Variants in KIAA1958 observed in about 807,000 individuals in gnomAD.
KIAA1958 encodes KIAA1958, also known as uncharacterized protein KIAA1958.
Under a neutral mutation model 47.2 loss-of-function variants are expected in KIAA1958, and 14 were observed. That is an observed-to-expected ratio of 0.30 (90% confidence interval 0.20 to 0.46). KIAA1958 has a LOEUF of 0.46. KIAA1958 is among the 20% of genes least tolerant of loss of function. The probability of loss-of-function intolerance (pLI) is 1.00; values close to 1 mark genes in which losing one functional copy is unlikely to be tolerated. For missense variants in KIAA1958, 803 were observed against 909.2 expected (o/e 0.88, Z 1.50); for synonymous variants, 354 against 353.3 (o/e 1.00, Z -0.02).
At chr9:112,573,386 C>G (rs531073548) in intron 1 of KIAA1958, among the ~76,000 whole-genome samples, 1 of 152,290 alleles carries the variant, frequency 6.6e-6, no homozygotes, top group East Asian at 1.9e-4. Context: ...CTTCCCCATC[C>G]TTGCTTCTTT....
intron 1 of KIAA1958, among the ~76,000 whole-genome samples, chr9:112,559,826 A>G (rs1412506474): frequency 1.3e-5 from 2 of 152,170 alleles, no homozygotes; most frequent in South Asian, 2.1e-4. Flanking sequence ...TAAAGTATGA[A>G]TCATGTCAAA....
chr9:112,648,057 G>T (rs950401798), intron 3 of KIAA1958, among the ~76,000 whole-genome samples: 3 of 152,218 alleles, frequency 2.0e-5, no homozygotes, highest in Non-Finnish European at 4.4e-5. Context: ...AGAAAAATCA[G>T]TTAAGTCTTT....
At chr9:112,546,579 C>T (rs1835036470) in intron 1 of KIAA1958, among the ~76,000 whole-genome samples, 1 of 151,944 alleles carries the variant, frequency 6.6e-6, no homozygotes, top group Admixed American at 6.5e-5. Flanking sequence ...TCTGCTGGCT[C>T]TTGAATTCCT....
chr9:112,564,203 AT>A (rs1656610125), intron 1 of KIAA1958, among the ~76,000 whole-genome samples: 1 of 152,252 alleles, frequency 6.6e-6, no homozygotes, highest in East Asian at 1.9e-4. Context: ...TATTTGCATA[AT>A]TTTTGTGTTA....
At chr9:112,498,707 T>C (rs1040291004) in intron 1 of KIAA1958, among the ~76,000 whole-genome samples, 2 of 152,204 alleles carry the variant, frequency 1.3e-5, no homozygotes, top group Non-Finnish European at 2.9e-5. Flanking sequence ...CAACGTATAA[T>C]GATCAAATCA....
intron 2 of KIAA1958, among the ~76,000 whole-genome samples, chr9:112,620,651 GAAGA>G (rs1836488854): frequency 6.6e-6 from 1 of 152,120 alleles, no homozygotes; most frequent in Non-Finnish European, 1.5e-5. Context: ...CCAGAAACAA[GAAGA>G]AAGGGCAGAG....
At chr9:112,658,730 T>C (rs369504657) in intron 3 of KIAA1958, among the ~76,000 whole-genome samples, 3 of 150,628 alleles carry the variant, frequency 2.0e-5, no homozygotes, top group South Asian at 2.1e-4. Context: ...GAGGCCAAGG[T>C]GGGCAGATCA....
chr9:112,597,697 T>C (rs1256022110), intron 2 of KIAA1958, among the ~76,000 whole-genome samples: 1 of 152,232 alleles, frequency 6.6e-6, no homozygotes, highest in Non-Finnish European at 1.5e-5. Context: ...ACAGACATGC[T>C]TAAAACAATG....
intron 1 of KIAA1958, among the ~76,000 whole-genome samples, chr9:112,541,925 T>C (rs1307130920): frequency 2.6e-5 from 4 of 152,196 alleles, no homozygotes; most frequent in African/African-American, 9.6e-5. Flanking sequence ...GGGGCCGATG[T>C]GTGTTGGAGA....
chr9:112,506,411 A>G (rs1395541336), intron 1 of KIAA1958, among the ~76,000 whole-genome samples: 3 of 152,192 alleles, frequency 2.0e-5, no homozygotes, highest in Admixed American at 1.3e-4. Context: ...AGCCGAGATC[A>G]CGCCACTACA....
chr9:112,555,670 G>A (rs369208858), intron 1 of KIAA1958, among the ~76,000 whole-genome samples: 4 of 152,206 alleles, frequency 2.6e-5, no homozygotes, highest in Non-Finnish European at 5.9e-5. Flanking sequence ...AGGGACAGAC[G>A]CTGTGCGCTC....
chr9:112,520,188 GAT>G (rs1460449101), intron 1 of KIAA1958, among the ~76,000 whole-genome samples: 2 of 152,236 alleles, frequency 1.3e-5, no homozygotes, highest in Non-Finnish European at 2.9e-5. Context: ...AAATAGAAAA[GAT>G]AGAGGTAGAT....
chr9:112,536,525 A>G (rs534536252), intron 1 of KIAA1958, among the ~76,000 whole-genome samples: 6 of 152,316 alleles, frequency 3.9e-5, no homozygotes, highest in South Asian at 2.1e-4. Context: ...AAGGATGGGT[A>G]AATAGACCAA....
intron 1 of KIAA1958, 52 bp from the exon 2 acceptor site, chr9:112,574,005 A>G (rs770715549): frequency 5.3e-6 from 5 of 944,560 alleles, no homozygotes; most frequent in Non-Finnish European, 8.1e-6. Flanking sequence ...TAATTGAGCT[A>G]TAGGATTATC....
intron 2 of KIAA1958, among the ~76,000 whole-genome samples, chr9:112,613,828 T>A (rs1295874958): frequency 6.6e-6 from 1 of 152,164 alleles, no homozygotes; most frequent in Non-Finnish European, 1.5e-5. Flanking sequence ...GAAAGTAAAT[T>A]GATATGACCA....
At chr9:112,538,070 C>A (rs533806277) in intron 1 of KIAA1958, among the ~76,000 whole-genome samples, 1 of 152,198 alleles carries the variant, frequency 6.6e-6, no homozygotes, top group Non-Finnish European at 1.5e-5. Context: ...GTGGCTCACA[C>A]CCGTAATCCC....
chr9:112,642,056 A>G (rs553385701), intron 2 of KIAA1958, among the ~76,000 whole-genome samples: 3 of 152,264 alleles, frequency 2.0e-5, no homozygotes, highest in Non-Finnish European at 4.4e-5. Context: ...CCCATTGCCA[A>G]GTGATGCTTA....
chr9:112,630,498 A>G (rs554312834), intron 2 of KIAA1958, among the ~76,000 whole-genome samples: 2 of 152,190 alleles, frequency 1.3e-5, no homozygotes. Flanking sequence ...TAATTTAAAA[A>G]TTTTTTAAAT....
intron 1 of KIAA1958, among the ~76,000 whole-genome samples, chr9:112,567,285 A>G (rs1835441897): frequency 6.6e-6 from 1 of 152,208 alleles, no homozygotes; most frequent in African/African-American, 2.4e-5. Context: ...CAAGATCAAG[A>G]GTATATCTTT....
Sources: allele counts gnomAD v4.1 joint callset (sites outside exome capture counted in the v4.1 genomes callset), GRCh38; gene constraint gnomAD v4.1.1; transcripts MANE v1.5; gene names NCBI Gene and HGNC (gene_info 2026-07-23, HGNC 2026-07-21).